Variants in NR2F6 observed in about 807,000 individuals in gnomAD.
The protein encoded by NR2F6 is ERBA-related gene-2.
Under a neutral mutation model 26.5 loss-of-function variants are expected in NR2F6, and 16 were observed. That is an observed-to-expected ratio of 0.60 (90% CI 0.41 to 0.92). The LOEUF (loss-of-function observed/expected upper bound fraction) is 0.92. Among genes scored for constraint, NR2F6 ranks in the 40% least tolerant of loss-of-function variants. NR2F6 has a pLI of 0.00. For synonymous variants in NR2F6, 325 were observed against 305.0 expected (o/e 1.07, Z -0.68); for missense variants, 536 against 631.7 (o/e 0.85, Z 1.62).
At chr19:17,232,762 C>T in intron 3 of NR2F6, 136 bp from the exon 4 acceptor site, 1 of 1,097,178 alleles carries the variant, frequency 9.1e-7, no homozygotes, top group South Asian at 1.8e-5. Context: ...GCCACAGTCC[C>T]AGCACTTTGG....
intron 1 of NR2F6, among the ~76,000 whole-genome samples, chr19:17,242,409 G>A (rs1041139135): frequency 1.3e-5 from 2 of 152,154 alleles, no homozygotes; most frequent in African/African-American, 4.8e-5. Flanking sequence ...ACTGAGCCTC[G>A]GTTTCCTCAT....
intron 1 of NR2F6, among the ~76,000 whole-genome samples, chr19:17,243,114 G>A (rs2073478189): frequency 6.6e-6 from 1 of 152,108 alleles, no homozygotes; most frequent in Non-Finnish European, 1.5e-5. Context: ...ACCACATTCT[G>A]GCATGTCCCT....
chr19:17,238,168 T>A (rs1220301994), intron 2 of NR2F6, among the ~76,000 whole-genome samples: 1 of 152,044 alleles, frequency 6.6e-6, no homozygotes, highest in Admixed American at 6.6e-5. Context: ...TAAATGAGAA[T>A]CTATACCTTA....
Position 17,245,173 on chromosome 19 carries a change from G to C in NR2F6, c.48C>G (p.Asn16Lys), listed in dbSNP as rs1037930033. The C allele has an allele frequency of 2.3e-5, 32 of 1,406,178 alleles. No homozygotes were observed. The highest frequency in any genetic ancestry group is 2.5e-5 in the Non-Finnish European group (27 of 1,077,856). 87.1% of individuals were successfully genotyped at this position (1,406,178 alleles called of 1,614,324 possible). ...GGTAGCCGCCCGCCTTGTCCACGCC[G>C]TTCGTGTCGCCGCCGGGGCCGCCCC... ...GGWGGPGGDT[N>K]GVDKAGGYPR... The change falls in exon 1 of 4, where the codon AAC (asparagine) becomes AAG (lysine). Residue 16 changes from asparagine to lysine, a missense_variant. By Grantham distance (94) the Asn-to-Lys change is moderately conservative (BLOSUM62 0). Transcript: ENST00000291442. This position sits in a 1 kb window ranked among gnomAD's most constrained non-coding sequence, Gnocchi z 5.0.
Position 17,235,454 on chromosome 19 carries a change from C to G in NR2F6, c.940+45G>C. ...TCCAGGCCGCCCTCCTCCTAACCTC[C>G]CTTGGGTCCCCCCATCCCGCGGCCC... On this transcript the variant is annotated intron_variant, in intron 3 of 3. Coordinates refer to ENST00000291442, the MANE Select transcript of NR2F6 (RefSeq NM_005234.4). The surrounding 1 kb of genome is among the most constrained non-coding windows in gnomAD (Gnocchi z 5.0). 6.5e-7 allele frequency: 1 copy of G among 1,539,644 alleles called. No individual in the cohort carries two copies. Among genetic ancestry groups the G allele is most frequent in the Non-Finnish European group, 8.7e-7 (1 of 1,149,032 alleles).
chr19:17,233,377 T>C (rs1277550318), intron 3 of NR2F6, among the ~76,000 whole-genome samples: 1 of 152,084 alleles, frequency 6.6e-6, no homozygotes, highest in African/African-American at 2.4e-5. Context: ...AATGGGACTA[T>C]CTAAGACTGT....
intron 2 of NR2F6, among the ~76,000 whole-genome samples, chr19:17,238,436 G>A (rs558211740): frequency 2.6e-5 from 4 of 152,268 alleles, no homozygotes; most frequent in South Asian, 2.1e-4. Flanking sequence ...GGTTAGGGAG[G>A]GAGCCATGTA....
At chr19:17,240,643 C>T (rs1436149726) in intron 2 of NR2F6, 28 bp downstream of exon 2, 2 of 1,609,494 alleles carry the variant, frequency 1.2e-6, no homozygotes, top group Middle Eastern at 1.7e-4. Flanking sequence ...CTGTGATCGT[C>T]CCCAGTGTGT....
rs1021973777 is a variant in NR2F6 at position 17,245,050 on chromosome 19, C to G, written c.171G>C (p.Val57=). 6.2e-7 allele frequency: 1 copy of G among 1,602,808 alleles called. No individual in the cohort carries two copies. The part of the protein sequence containing the change: ...EERPGLQVDC[V]VCGDKSSGKH... The stretch of plus-strand genomic sequence containing the variant: ...TGCCGCTCGACTTGTCCCCGCACAC[C>G]ACGCAGTCCACCTGCAGCCCCGGCC... Residue 57 remains valine, a synonymous_variant, in exon 1 of 4, where the codon GTG becomes GTC. Coordinates refer to ENST00000291442, the MANE Select transcript of NR2F6 (RefSeq NM_005234.4). This position sits in a 1 kb window ranked among gnomAD's most constrained non-coding sequence, Gnocchi z 5.0.
At chr19:17,233,587 T>A (rs1045505702) in intron 3 of NR2F6, among the ~76,000 whole-genome samples, 31 of 152,204 alleles carry the variant, frequency 2.0e-4, no homozygotes, top group South Asian at 6.2e-4. Flanking sequence ...AACCTCTGCC[T>A]CCGGGTTCAA....
intron 2 of NR2F6, among the ~76,000 whole-genome samples, chr19:17,239,789 A>C (rs950248858): frequency 6.6e-6 from 1 of 152,170 alleles, no homozygotes; most frequent in African/African-American, 2.4e-5. Context: ...ACTGCACTCC[A>C]GCCTGGAAGA....
chr19:17,243,680 TGACCCG>T (rs1177182341), intron 1 of NR2F6, among the ~76,000 whole-genome samples: 1 of 152,238 alleles, frequency 6.6e-6, no homozygotes, highest in Non-Finnish European at 1.5e-5. Context: ...AGGCCAGCCC[TGACCCG>T]GGACCTGGGG....
At chr19:17,240,446 G>C (rs754188181) in intron 2 of NR2F6, among the ~76,000 whole-genome samples, 1 of 152,146 alleles carries the variant, frequency 6.6e-6, no homozygotes, top group Admixed American at 6.5e-5. Context: ...AGGGGGCCAC[G>C]GATCCTAATT....
In NR2F6 at chr19:17,235,082, A is replaced by G. The variant is rs925761685; in HGVS notation, c.940+417T>C. 6.6e-6 allele frequency among the ~76,000 whole-genome samples: 1 copy of G among 152,144 alleles called. No homozygotes were observed. Among genetic ancestry groups the G allele is most frequent in the Non-Finnish European group, 1.5e-5 (1 of 67,996 alleles). On this transcript the variant is annotated intron_variant, in intron 3 of 3. Coordinates refer to ENST00000291442, the MANE Select transcript of NR2F6 (RefSeq NM_005234.4). This position sits in a 1 kb window ranked among gnomAD's most constrained non-coding sequence, Gnocchi z 5.0. ...GCCCTGGGAGCCCAGTGGGGGCCTG[A>G]GGGGGCCAGAACCAGGGGGTCAGGA...
At chr19:17,244,071 G>A (rs1419952151) in intron 1 of NR2F6, among the ~76,000 whole-genome samples, 2 of 152,180 alleles carry the variant, frequency 1.3e-5, no homozygotes, top group Non-Finnish European at 2.9e-5. Context: ...CGCTTTCCCT[G>A]GGGACCTTCC....
Position 17,240,693 on chromosome 19 carries a change from G to A in NR2F6, c.351C>T (p.Phe117=), listed in dbSNP as rs1356424347. The A allele has an allele frequency of 6.2e-7, 1 of 1,614,076 alleles. No homozygotes were observed. Among genetic ancestry groups the A allele is most frequent in the Non-Finnish European group, 8.5e-7 (1 of 1,180,034 alleles). The change falls in exon 2 of 4, where the codon TTC becomes TTT. Residue 117 remains phenylalanine (F), a synonymous_variant. Transcript: ENST00000291442. ...QCQYCRLKKC[F]RVGMRKEAVQ... ...CACCCTCCTTCCTCATGCCCACCCG[G>A]AAGCACTTCTTGAGACGGCAGTACT...
rs80306728 is a variant in NR2F6, at chr19:17,235,885, C to T, written c.554G>A (p.Arg185His). The change falls in exon 3 of 4, where the codon CGC becomes CAC. Residue 185 changes from arginine (R) to histidine (H), a missense_variant. By Grantham distance (29) the Arg-to-His change is conservative. Coordinates refer to ENST00000291442, the MANE Select transcript of NR2F6 (RefSeq NM_005234.4). This position sits in a 1 kb window ranked among gnomAD's most constrained non-coding sequence, Gnocchi z 5.0. ...RAEPYPAAAG[R>H]FGAGGGAAGA... ...CGCCGCGCCGCCCCCTGCGCCGAAG[C>T]GTCCGGCCGCCGCAGGGTAGGGCTC... is the stretch of plus-strand genomic sequence containing the variant. The T allele has an allele frequency of 1.4e-6, 2 of 1,463,698 alleles. No individual in the cohort carries two copies. The highest frequency in any genetic ancestry group is 2.6e-5 in the Admixed American group (1 of 38,854). The allele number at this position is 1,463,698 out of a possible 1,614,324, so 90.7% of individuals were successfully genotyped here.
At chr19:17,243,906 C>A (rs560309078) in intron 1 of NR2F6, among the ~76,000 whole-genome samples, 1 of 152,196 alleles carries the variant, frequency 6.6e-6, no homozygotes, top group Non-Finnish European at 1.5e-5. Context: ...GCCTTTGGGC[C>A]TCTGTTTTGG....
intron 3 of NR2F6, among the ~76,000 whole-genome samples, chr19:17,233,238 G>C (rs1444822665): frequency 6.6e-6 from 1 of 152,106 alleles, no homozygotes; most frequent in Non-Finnish European, 1.5e-5. Context: ...GATCTCTTGA[G>C]CCTAGGAGTT....
Sources: gnomAD v4.1 joint callset for allele counts (sites outside exome capture counted in the v4.1 genomes callset) on GRCh38, gnomAD v4.1.1 for gene constraint, Gnocchi (gnomAD v3.1) non-coding constraint, MANE v1.5 for transcripts, NCBI Gene and HGNC (gene_info 2026-07-23, HGNC 2026-07-21) for gene names.